Variants in TCF7L2 observed in about 807,000 individuals in gnomAD.
The protein encoded by TCF7L2 is transcription factor 7 like 2, also known as transcription factor 7-like 2.
A neutral mutation model predicts 77.9 loss-of-function variants in TCF7L2; 23 were observed. The observed-to-expected ratio is 0.30, with a 90% CI of 0.21 to 0.42. TCF7L2 has a LOEUF of 0.42. Among genes scored for constraint, TCF7L2 ranks in the 10% least tolerant of loss-of-function variants. The probability of loss-of-function intolerance (pLI) is 1.00; values close to 1 mark genes in which losing one functional copy is unlikely to be tolerated. For missense variants in TCF7L2, 654 were observed against 793.1 expected, an observed-to-expected ratio of 0.82 and a Z score of 2.11; for synonymous variants, 413 against 340.2, an observed-to-expected ratio of 1.21 and a Z score of -2.36.
intron 5 of TCF7L2, among the ~76,000 whole-genome samples, chr10:113,084,387 G>A (rs887162817): frequency 1.3e-5 from 2 of 152,198 alleles, no homozygotes; most frequent in African/African-American, 4.8e-5. Context: ...GCTCAAGCCC[G>A]AAGGCAGTTA....
intron 4 of TCF7L2, among the ~76,000 whole-genome samples, 192 bp downstream of exon 4, chr10:112,964,816 G>GTGATGGTGGTGGTGGTGAT (rs1331506565): frequency 1.4e-5 from 2 of 148,064 alleles, no homozygotes; most frequent in African/African-American, 2.5e-5. Flanking sequence ...TGGTGGTGGG[G>GTGATGGTGGTGGTGGTGAT]GGGGGTTGAA....
chr10:113,127,035 G>C, intron 5 of TCF7L2: 3 of 646,576 alleles, frequency 4.6e-6, no homozygotes, highest in Non-Finnish European at 5.8e-6. Context: ...GTAACTTTCA[G>C]GTTGATGTAC....
At position 113,166,936 on chromosome 10, in the gene TCF7L2, G is replaced by T; in HGVS notation, c.*964G>T. The T allele has an allele frequency of 4.4e-6, 1 of 229,738 alleles. No individual in the cohort carries two copies. Among genetic ancestry groups the T allele is most frequent in the Non-Finnish European group, 8.6e-6 (1 of 115,974 alleles). 14.2% of individuals were successfully genotyped at this position (229,738 alleles called of 1,614,324 possible). A position where few individuals can be genotyped will look rare whatever the true frequency, so the allele number is the denominator to read the frequency against. On this transcript the variant is annotated 3_prime_UTR_variant, in exon 14 of 14. Transcript: ENST00000627217. ...AAAGCCATTATGTAAAACAAGACTTGAAAATGAGTGAGGGAATTTTAGCGA... is the reference window on the plus strand; with the variant it reads ...AAAGCCATTATGTAAAACAAGACTTTAAAATGAGTGAGGGAATTTTAGCGA...
At chr10:113,144,775 A>T (rs290491) in intron 7 of TCF7L2, among the ~76,000 whole-genome samples, 117,522 of 152,172 alleles carry the variant, frequency 0.77, 46,509 homozygotes, top group East Asian at 0.99. Flanking sequence ...TATTTGACTA[A>T]CTTTTGCAAC....
intron 4 of TCF7L2, among the ~76,000 whole-genome samples, chr10:113,016,267 G>A (rs562073580): frequency 5.3e-4 from 81 of 152,116 alleles, no homozygotes; most frequent in African/African-American, 1.9e-3. Flanking sequence ...GGGTTTTGCC[G>A]TGTTGTCCAA....
intron 4 of TCF7L2, among the ~76,000 whole-genome samples, chr10:113,026,758 TAGA>T (rs2049251561): frequency 6.6e-6 from 1 of 152,222 alleles, no homozygotes; most frequent in Admixed American, 6.5e-5. Context: ...CTGGGAGCTC[TAGA>T]AGTGGAGATG....
At chr10:113,118,520 G>GGGTGTGTGTGTGT in intron 5 of TCF7L2, among the ~76,000 whole-genome samples, 1 of 141,442 alleles carries the variant, frequency 7.1e-6, no homozygotes, top group East Asian at 2.2e-4. Flanking sequence ...TCATCTGGGG[G>GGGTGTGTGTGTGT]GTGTGTGTGT....
intron 3 of TCF7L2, among the ~76,000 whole-genome samples, chr10:112,961,254 A>ACCGCCCT (rs1349844083): frequency 1.7e-5 from 1 of 60,482 alleles, no homozygotes; most frequent in African/African-American, 1.5e-4. Context: ...ACCTCAGGTG[A>ACCGCCCT]CCCCCCCCCC....
intron 5 of TCF7L2, among the ~76,000 whole-genome samples, chr10:113,121,777 C>G (rs971398513): frequency 4.8e-5 from 7 of 145,012 alleles, no homozygotes; most frequent in Non-Finnish European, 9.0e-5. Flanking sequence ...ATACACACAA[C>G]ACACACACAC....
chr10:113,030,932 T>C (rs1395004573), intron 4 of TCF7L2, among the ~76,000 whole-genome samples: 1 of 152,176 alleles, frequency 6.6e-6, no homozygotes, highest in Non-Finnish European at 1.5e-5. Context: ...AACAAGACTG[T>C]CTCAGAGGCC....
chr10:113,164,330 G>C (rs916424513), intron 13 of TCF7L2, among the ~76,000 whole-genome samples: 2 of 152,218 alleles, frequency 1.3e-5, no homozygotes, highest in South Asian at 2.1e-4. Context: ...GTAGTGAAGA[G>C]GGGAGATGCT....
intron 6 of TCF7L2, among the ~76,000 whole-genome samples, chr10:113,142,501 G>T (rs1371168850): frequency 1.3e-5 from 2 of 152,248 alleles, no homozygotes; most frequent in African/African-American, 4.8e-5. Context: ...CCCCTTCCTA[G>T]CTCAGTAATT....
intron 5 of TCF7L2, among the ~76,000 whole-genome samples, chr10:113,070,029 G>A (rs972397108): frequency 5.3e-5 from 8 of 151,826 alleles, no homozygotes; most frequent in African/African-American, 1.7e-4. Context: ...AGGCCAAGGC[G>A]GGTGGATCAT....
intron 5 of TCF7L2, among the ~76,000 whole-genome samples, chr10:113,130,913 C>T (rs141407081): frequency 0.014 from 2,106 of 152,038 alleles, 20 homozygotes; most frequent in Non-Finnish European, 0.019. Flanking sequence ...TTACAGGCAC[C>T]CGCCACCATG....
Position 113,166,158 on chromosome 10 carries a change from T to G in TCF7L2, c.*186T>G, listed in dbSNP as rs1343659749. 2.0e-6 allele frequency: 1 copy of G among 501,762 alleles called. No homozygotes were observed. The highest frequency in any genetic ancestry group is 3.1e-6 in the Non-Finnish European group (1 of 317,744). 31.1% of individuals were successfully genotyped at this position (501,762 alleles called of 1,614,324 possible). A position where few individuals can be genotyped will look rare whatever the true frequency, so the allele number is the denominator to read the frequency against. On this transcript the variant is annotated 3_prime_UTR_variant, in exon 14 of 14. Transcript: ENST00000627217. ...ACCCATTCTTATTTCAATTTCTCCT[T>G]TTAAATATGTAGATGAGAGAAGAAC...
chr10:113,053,228 G>A (rs1325324637), intron 5 of TCF7L2, among the ~76,000 whole-genome samples: 8 of 152,218 alleles, frequency 5.3e-5, no homozygotes, highest in South Asian at 4.1e-4. Context: ...AGGAGCGGGA[G>A]GGCGGGCCAT....
chr10:113,141,110 C>G (rs143982203), intron 5 of TCF7L2, 74 bp from the exon 6 acceptor site: 1 of 1,576,690 alleles, frequency 6.3e-7, no homozygotes, highest in Non-Finnish European at 8.6e-7. Flanking sequence ...AGGGAACCCA[C>G]GGGCCCGGTG....
intron 11 of TCF7L2, among the ~76,000 whole-genome samples, chr10:113,157,267 C>T (rs2072124532): frequency 6.6e-6 from 1 of 152,200 alleles, no homozygotes; most frequent in Non-Finnish European, 1.5e-5. Context: ...TACAGGCATG[C>T]ACCACCATGC....
intron 5 of TCF7L2, among the ~76,000 whole-genome samples, chr10:113,063,629 TA>T (rs1183527641): frequency 6.6e-6 from 1 of 152,070 alleles, no homozygotes; most frequent in Non-Finnish European, 1.5e-5. Context: ...CTGATTCTGT[TA>T]TCTGAGGCTG....
Sources: allele counts gnomAD v4.1 joint callset (sites outside exome capture counted in the v4.1 genomes callset), GRCh38; gene constraint gnomAD v4.1.1; transcripts MANE v1.5; gene names NCBI Gene and HGNC (gene_info 2026-07-23, HGNC 2026-07-21).